Variants in ARHGAP15 observed in about 807,000 individuals in gnomAD.
ARHGAP15 encodes Rho GTPase activating protein 15, also known as rho GTPase-activating protein 15.
ARHGAP15 carries 51 observed loss-of-function variants against 63.7 expected under a neutral mutation model. That is an observed-to-expected ratio of 0.80 (90% CI 0.64 to 1.01). ARHGAP15 has a LOEUF of 1.01. Ranked by LOEUF, ARHGAP15 falls within the 50% of genes least tolerant of loss-of-function variation. ARHGAP15 has a pLI of 0.00. For missense variants in ARHGAP15, 560 were observed against 564.6 expected (o/e 0.99, Z 0.08); for synonymous variants, 191 against 193.8 (o/e 0.99, Z 0.12).
At chr2:143,763,710 G>GTGTATGTATA (rs200264357) in intron 13 of ARHGAP15, among the ~76,000 whole-genome samples, 1 of 138,556 alleles carries the variant, frequency 7.2e-6, no homozygotes, top group Non-Finnish European at 1.5e-5. Context: ...GTATGTATAT[G>GTGTATGTATA]TGTATGTATA....
intron 2 of ARHGAP15, among the ~76,000 whole-genome samples, chr2:143,172,556 C>A (rs565354530): frequency 6.6e-6 from 1 of 152,006 alleles, no homozygotes; most frequent in African/African-American, 2.4e-5. Context: ...ATAGATGGAA[C>A]AAAACAATTA....
intron 2 of ARHGAP15, among the ~76,000 whole-genome samples, chr2:143,193,731 A>G (rs1691766216): frequency 6.6e-6 from 1 of 152,340 alleles, no homozygotes; most frequent in Admixed American, 6.5e-5. Context: ...GTGAGTTAAC[A>G]CTTTTCCACC....
chr2:143,721,644 T>C (rs1685063497), intron 13 of ARHGAP15, among the ~76,000 whole-genome samples: 1 of 152,040 alleles, frequency 6.6e-6, no homozygotes, highest in Non-Finnish European at 1.5e-5. Context: ...CTTCAAATGT[T>C]TGCAAAATAA....
intron 9 of ARHGAP15, among the ~76,000 whole-genome samples, chr2:143,514,062 A>ACAATAAACCCT (rs1286209029): frequency 6.6e-6 from 1 of 152,224 alleles, no homozygotes; most frequent in Non-Finnish European, 1.5e-5. Context: ...AGTGTAGTGT[A>ACAATAAACCCT]CAATAAACCC....
intron 13 of ARHGAP15, among the ~76,000 whole-genome samples, chr2:143,712,069 C>G (rs1321001835): frequency 6.6e-6 from 1 of 152,038 alleles, no homozygotes. Flanking sequence ...AAGGGCAACA[C>G]CAGAAGTAGG....
chr2:143,661,653 T>A (rs1681785239), intron 12 of ARHGAP15, among the ~76,000 whole-genome samples: 1 of 152,130 alleles, frequency 6.6e-6, no homozygotes, highest in African/African-American at 2.4e-5. Flanking sequence ...TGCATTTCCA[T>A]CTGAGGTACC....
At chr2:143,299,875 T>A (rs11681284) in intron 6 of ARHGAP15, among the ~76,000 whole-genome samples, 1 of 151,736 alleles carries the variant, frequency 6.6e-6, no homozygotes, top group Non-Finnish European at 1.5e-5. Flanking sequence ...GAAACAACCA[T>A]GTTGGAAAGG....
chr2:143,142,972 AT>A (rs1287356251), intron 1 of ARHGAP15, among the ~76,000 whole-genome samples: 2 of 152,248 alleles, frequency 1.3e-5, no homozygotes, highest in Non-Finnish European at 2.9e-5. Context: ...ATATTTATGC[AT>A]TTTTTACTTT....
chr2:143,603,733 C>T (rs907772360), intron 11 of ARHGAP15, among the ~76,000 whole-genome samples: 1 of 152,212 alleles, frequency 6.6e-6, no homozygotes, highest in African/African-American at 2.4e-5. Context: ...GCAGCTCTTA[C>T]AAGGTACTGT....
intron 6 of ARHGAP15, among the ~76,000 whole-genome samples, chr2:143,273,555 A>C (rs1055006974): frequency 5.3e-5 from 8 of 152,204 alleles, no homozygotes; most frequent in South Asian, 2.1e-4. Context: ...TAATAAGTAT[A>C]TGAACAGGCC....
chr2:143,736,167 A>G (rs1447086221), intron 13 of ARHGAP15, among the ~76,000 whole-genome samples: 1 of 152,100 alleles, frequency 6.6e-6, no homozygotes, highest in Admixed American at 6.6e-5. Flanking sequence ...ACCGGAGGTC[A>G]GGAGTGGATC....
rs1435381861 is a variant in ARHGAP15 at position 143,390,668 on chromosome 2, C to G, written c.475-44933C>G. 3.3e-5 allele frequency among the ~76,000 whole-genome samples: 5 copies of G among 151,866 alleles called. No homozygotes were observed. The East Asian group carries it at 9.7e-4, about 29-fold the overall frequency. ...CCCAGCCAAGTGTGCTTCCTAGTTC[C>G]AACACAAAGCTTGCAGATCCCCCCA... On this transcript the variant is annotated intron_variant, in intron 6 of 13. Transcript: ENST00000295095.
At chr2:143,449,619 CTG>C (rs1259227417) in intron 8 of ARHGAP15, among the ~76,000 whole-genome samples, 2 of 152,020 alleles carry the variant, frequency 1.3e-5, no homozygotes, top group Admixed American at 1.3e-4. Flanking sequence ...GCCCACCAGG[CTG>C]CACTTCAGTC....
chr2:143,580,182 G>A (rs1227136447), intron 11 of ARHGAP15, among the ~76,000 whole-genome samples: 2 of 151,522 alleles, frequency 1.3e-5, no homozygotes, highest in Admixed American at 1.3e-4. Flanking sequence ...CTTAATTAGG[G>A]GCTAAAGACA....
chr2:143,442,076 G>C (rs574311806), intron 8 of ARHGAP15, among the ~76,000 whole-genome samples: 3 of 152,218 alleles, frequency 2.0e-5, no homozygotes, highest in Non-Finnish European at 2.9e-5. Flanking sequence ...CTTTTAACTT[G>C]TCTTTGTTTA....
intron 12 of ARHGAP15, among the ~76,000 whole-genome samples, chr2:143,693,987 T>C (rs1010612652): frequency 2.0e-5 from 3 of 152,242 alleles, no homozygotes. Flanking sequence ...CTGGACACCA[T>C]GTCAGAAGAG....
At chr2:143,166,445 T>C (rs562687671) in intron 2 of ARHGAP15, among the ~76,000 whole-genome samples, 19 of 152,220 alleles carry the variant, frequency 1.2e-4, no homozygotes, top group South Asian at 8.3e-4. Context: ...ACTAACAGTA[T>C]GTCAGAGACT....
At chr2:143,424,758 G>A (rs952865594) in intron 6 of ARHGAP15, among the ~76,000 whole-genome samples, 1 of 152,100 alleles carries the variant, frequency 6.6e-6, no homozygotes, top group African/African-American at 2.4e-5. Flanking sequence ...GAATCCTTAT[G>A]TAATTGTTGT....
At chr2:143,572,831 A>T (rs550428377) in intron 11 of ARHGAP15, among the ~76,000 whole-genome samples, 44 of 152,314 alleles carry the variant, frequency 2.9e-4, no homozygotes, top group Middle Eastern at 6.8e-3. Flanking sequence ...CCTCCTAAAT[A>T]AAAATTTTAA....
Sources: allele counts gnomAD v4.1 joint callset (sites outside exome capture counted in the v4.1 genomes callset), GRCh38; gene constraint gnomAD v4.1.1; transcripts MANE v1.5; gene names NCBI Gene and HGNC (gene_info 2026-07-23, HGNC 2026-07-21).